The following NUGGC variants were observed in gnomAD, a reference collection of about 807,000 sequenced individuals.
NUGGC encodes the protein nuclear GTPase SLIP-GC.
A neutral mutation model predicts 92.6 loss-of-function variants in NUGGC; 58 were observed. The ratio of observed to expected loss-of-function variants is 0.63; its 90% confidence interval spans 0.51 to 0.78. The LOEUF (loss-of-function observed/expected upper bound fraction) is 0.78, where lower values mean the gene tolerates loss of function less well. Ranked by LOEUF, NUGGC falls within the 30% of genes least tolerant of loss-of-function variation. The pLI is 0.00. For missense variants in NUGGC, 925 were observed against 964.6 expected (o/e 0.96, Z 0.54); for synonymous variants, 376 against 366.4 (o/e 1.03, Z -0.30).
intron 13 of NUGGC, among the ~76,000 whole-genome samples, chr8:28,038,871 G>C (rs1448388192): frequency 6.6e-6 from 1 of 152,136 alleles, no homozygotes; most frequent in African/African-American, 2.4e-5. Flanking sequence ...TCTCTCTAAG[G>C]CTGTAAAATT....
At chr8:28,067,467 A>G in intron 6 of NUGGC, 47 bp downstream of exon 6, 1 of 1,245,600 alleles carries the variant, frequency 8.0e-7, no homozygotes, top group African/African-American at 1.5e-5. Flanking sequence ...CAACTGTTAG[A>G]CTTGAGACCC....
At chr8:28,052,429 A>G (rs982288959) in intron 10 of NUGGC, among the ~76,000 whole-genome samples, 4 of 152,174 alleles carry the variant, frequency 2.6e-5, no homozygotes, top group Admixed American at 6.6e-5. Flanking sequence ...ATGTATTAAG[A>G]TGAAGTCATA....
intron 1 of NUGGC, among the ~76,000 whole-genome samples, chr8:28,075,443 G>A (rs1810697843): frequency 6.6e-6 from 1 of 152,206 alleles, no homozygotes; most frequent in South Asian, 2.1e-4. Flanking sequence ...AGAGGGCACT[G>A]CCCAGACAGG....
intron 9 of NUGGC, among the ~76,000 whole-genome samples, 187 bp from the exon 10 acceptor site, chr8:28,056,241 G>T (rs1027984001): frequency 3.9e-5 from 6 of 152,218 alleles, no homozygotes; most frequent in Middle Eastern, 3.4e-3. Flanking sequence ...CCCGTTGGGA[G>T]GCCAAGGTAG....
At chr8:28,078,904 C>T (rs1229238219) in intron 1 of NUGGC, among the ~76,000 whole-genome samples, 1 of 152,182 alleles carries the variant, frequency 6.6e-6, no homozygotes, top group Non-Finnish European at 1.5e-5. Flanking sequence ...AAATTTATTG[C>T]TCAGATAAGC....
In NUGGC at chr8:28,083,813, G is replaced by C. The variant is rs1810907901; in HGVS notation, c.-85C>G. 1 of 151,948 alleles carries C rather than the reference G, an allele frequency of 6.6e-6. No homozygotes were observed. Among genetic ancestry groups the C allele is most frequent in the African/African-American group, 2.4e-5 (1 of 41,338 alleles). The allele number at this position is 151,948 out of a possible 1,614,324, so 9.4% of individuals were successfully genotyped here. A position where few individuals can be genotyped will look rare whatever the true frequency, so the allele number is the denominator to read the frequency against. On this transcript the variant is annotated 5_prime_UTR_variant, in exon 1 of 19. Coordinates refer to ENST00000413272, the MANE Select transcript of NUGGC (RefSeq NM_001010906.2). ...ACAGAAAAAAAAAAAAAAAGTTCTGGTTTGGTTACAGGAGTCCACAGAGGA... is the reference window on the plus strand; with the variant it reads ...ACAGAAAAAAAAAAAAAAAGTTCTGCTTTGGTTACAGGAGTCCACAGAGGA...
chr8:28,032,725 A>C (rs1809454020), intron 14 of NUGGC, among the ~76,000 whole-genome samples: 1 of 99,826 alleles, frequency 1.0e-5, no homozygotes, highest in Non-Finnish European at 2.3e-5. Flanking sequence ...CATCTCAAGA[A>C]AAAAAAAAAA....
chr8:28,024,745 C>T (rs1042604300), intron 18 of NUGGC, among the ~76,000 whole-genome samples: 9 of 152,146 alleles, frequency 5.9e-5, no homozygotes, highest in African/African-American at 1.9e-4. Flanking sequence ...TGTTCTGTCC[C>T]ATATCTGGAA....
In NUGGC at chr8:28,045,547, T is replaced by G. The variant is rs1292917810; in HGVS notation, c.1426A>C (p.Asn476His). ...CATACCGGCAGGTTTTGCGTGGAGT[T>G]GAAACTATCTGTGAGGAGCAACAGG... ...FGLLLLTDSF[N>H]STQNLPNEHL... Residue 476 changes from asparagine (N) to histidine (H), a missense_variant, in exon 12 of 19, where the codon AAC (asparagine) becomes CAC (histidine). Transcript: ENST00000413272. The G allele has an allele frequency of 1.9e-6, 3 of 1,612,266 alleles. No homozygotes were observed. The highest frequency in any genetic ancestry group is 2.7e-5 in the African/African-American group (2 of 74,834).
chr8:28,039,518 C>T (rs1248531984), intron 13 of NUGGC, among the ~76,000 whole-genome samples: 1 of 152,184 alleles, frequency 6.6e-6, no homozygotes, highest in South Asian at 2.1e-4. Context: ...AGGCACAAGC[C>T]ACCACACTCA....
At chr8:28,067,203 C>A (rs1810458884) in intron 6 of NUGGC, among the ~76,000 whole-genome samples, 1 of 152,156 alleles carries the variant, frequency 6.6e-6, no homozygotes, top group Non-Finnish European at 1.5e-5. Flanking sequence ...AGGAATAAAT[C>A]CCTGTTTGTT....
intron 5 of NUGGC, 54 bp from the exon 6 acceptor site, chr8:28,067,798 G>C (rs193261043): frequency 2.2e-6 from 3 of 1,392,582 alleles, no homozygotes; most frequent in Non-Finnish European, 3.0e-6. Flanking sequence ...AGAGAACACC[G>C]ACAAACAGAG....
chr8:28,070,647 G>T (rs747188497), intron 2 of NUGGC, among the ~76,000 whole-genome samples: 22 of 150,498 alleles, frequency 1.5e-4, no homozygotes, highest in Non-Finnish European at 3.1e-4. Flanking sequence ...GCAGGCCAGA[G>T]TGCTGCGGCA....
chr8:28,074,648 T>C (rs924261794), intron 1 of NUGGC, among the ~76,000 whole-genome samples, 192 bp from the exon 2 acceptor site: 3 of 152,162 alleles, frequency 2.0e-5, no homozygotes, highest in Non-Finnish European at 4.4e-5. Flanking sequence ...TGGTTTCCAA[T>C]AATACTTAGG....
intron 13 of NUGGC, among the ~76,000 whole-genome samples, chr8:28,034,607 G>C (rs1809508751): frequency 6.6e-6 from 1 of 152,140 alleles, no homozygotes; most frequent in African/African-American, 2.4e-5. Context: ...TCTGAGGTCA[G>C]GAGTTCAAGA....
At chr8:28,044,865 C>T (rs777613155) in intron 12 of NUGGC, among the ~76,000 whole-genome samples, 2 of 152,274 alleles carry the variant, frequency 1.3e-5, no homozygotes, top group African/African-American at 2.4e-5. Context: ...TGGTGACTGA[C>T]GACAGTAAGA....
At chr8:28,068,927 C>CA (rs1810517021) in intron 4 of NUGGC, among the ~76,000 whole-genome samples, 1 of 152,048 alleles carries the variant, frequency 6.6e-6, no homozygotes, top group Admixed American at 6.6e-5. Context: ...TGTATAGAGA[C>CA]AGAGTTTTGC....
In NUGGC at chr8:28,060,447, A is replaced by G; in HGVS notation, c.1076T>C (p.Leu359Pro). ...VALVVTKMDK[L>P]HLPEYLRERK... The stretch of plus-strand genomic sequence containing the variant: ...ATACCTTAGGTATTCTGGCAAGTGG[A>G]GTTTGTCCATCTTGGTGACCACCAG... The change falls in exon 8 of 19, where the codon CTC (leucine) becomes CCC (proline). Residue 359 changes from leucine (L) to proline (P), a missense_variant. Coordinates refer to ENST00000413272, the MANE Select transcript of NUGGC (RefSeq NM_001010906.2). 6.2e-7 allele frequency: 1 copy of G among 1,613,720 alleles called. No homozygotes were observed. Among genetic ancestry groups the G allele is most frequent in the Non-Finnish European group, 8.5e-7 (1 of 1,179,792 alleles).
At chr8:28,038,544 G>A (rs1391160480) in intron 13 of NUGGC, among the ~76,000 whole-genome samples, 1 of 152,158 alleles carries the variant, frequency 6.6e-6, no homozygotes, top group African/African-American at 2.4e-5. Flanking sequence ...TCACATAGCT[G>A]GCAGATGGGG....
Sources: gnomAD v4.1 joint callset for allele counts (sites outside exome capture counted in the v4.1 genomes callset) on GRCh38, gnomAD v4.1.1 for gene constraint, MANE v1.5 for transcripts, NCBI Gene and HGNC (gene_info 2026-07-23, HGNC 2026-07-21) for gene names.